The following PCDHA8 variants were observed in gnomAD, a reference collection of about 807,000 sequenced individuals.
PCDHA8 encodes the protein protocadherin alpha-8.
In PCDHA8, 53 loss-of-function variants were observed where a neutral mutation model predicts 61.8. The observed-to-expected ratio is 0.86, with a 90% CI of 0.69 to 1.08. The LOEUF is 1.08. PCDHA8 is among the 50% of genes least tolerant of loss of function. The pLI is 0.00. For synonymous variants in PCDHA8, 618 were observed against 556.6 expected (o/e 1.11, Z -1.55); for missense variants, 1,293 against 1,245.0 (o/e 1.04, Z -0.58).
intron 3 of PCDHA8, among the ~76,000 whole-genome samples, chr5:140,990,780 GACGATGA>G (rs1554251732): frequency 6.6e-6 from 1 of 152,192 alleles, no homozygotes; most frequent in Non-Finnish European, 1.5e-5. Flanking sequence ...CTCTGTGTTG[GACGATGA>G]ACCATGGAAT....
rs781808272 is a variant in PCDHA8, at chr5:140,856,411, A to G, written c.2394+12696A>G. Reference sequence around the variant, plus strand: ...TGCAGGTTTTCCATGTGGACGTGGAAGTGAAGGACATTAACGACAACCCGC... The same window carrying G: ...TGCAGGTTTTCCATGTGGACGTGGAGGTGAAGGACATTAACGACAACCCGC... On this transcript the variant is annotated intron_variant, in intron 1 of 3. Transcript: ENST00000531613. 31 of 1,598,328 alleles carry G rather than the reference A, an allele frequency of 1.9e-5. 3 individuals are homozygous for G. Among genetic ancestry groups the G allele is most frequent in the African/African-American group, 5.4e-5 (4 of 74,256 alleles).
intron 1 of PCDHA8, chr5:140,851,981 G>A: frequency 1.0e-6 from 1 of 976,468 alleles, no homozygotes; most frequent in Non-Finnish European, 1.2e-6. Flanking sequence ...TACCTTTAGT[G>A]CAAGCTATTT....
At chr5:140,967,934 A>G (rs781977227) in intron 1 of PCDHA8, 4 of 1,614,172 alleles carry the variant, frequency 2.5e-6, no homozygotes, top group Non-Finnish European at 2.5e-6. Flanking sequence ...TCTCAGTGTC[A>G]ATGACCAAGA....
intron 1 of PCDHA8, chr5:140,877,827 T>C (rs1554170143): frequency 1.2e-6 from 2 of 1,601,676 alleles, no homozygotes; most frequent in Middle Eastern, 1.7e-4. Flanking sequence ...ATTGTTTAAA[T>C]CCTCCCAGTG....
intron 1 of PCDHA8, chr5:140,860,548 T>C (rs1219356676): frequency 6.6e-6 from 1 of 152,138 alleles, no homozygotes; most frequent in Non-Finnish European, 1.5e-5. Flanking sequence ...CAAACCCACC[T>C]TTGAAGAGGT....
chr5:140,927,536 G>A (rs1227240979), intron 1 of PCDHA8: 3 of 1,614,138 alleles, frequency 1.9e-6, no homozygotes, highest in Non-Finnish European at 2.5e-6. Context: ...GCCCGCTCAG[G>A]AGACGCACAA....
At chr5:140,925,238 T>C (rs2082404327) in intron 1 of PCDHA8, among the ~76,000 whole-genome samples, 1 of 152,248 alleles carries the variant, frequency 6.6e-6, no homozygotes, top group African/African-American at 2.4e-5. Context: ...CCAGAAAATA[T>C]GTCCTGGAAA....
rs2150490621 is a variant in PCDHA8 at position 140,850,594 on chromosome 5, T to C, written c.2394+6879T>C. The C allele has an allele frequency of 2.5e-6, 4 of 1,598,338 alleles. No individual in the cohort carries two copies. In the East Asian group the frequency reaches 8.9e-5, roughly 36 times the overall value. The stretch of plus-strand genomic sequence containing the variant: ...ACGCTGGTGGATGTCAACGTGTACC[T>C]GATCATCGCCATCTGCGCGGTGTCT... On this transcript the variant is annotated intron_variant, in intron 1 of 3. Coordinates refer to ENST00000531613, the MANE Select transcript of PCDHA8 (RefSeq NM_018911.3).
At chr5:140,967,254 C>G in intron 1 of PCDHA8, 3 of 1,613,562 alleles carry the variant, frequency 1.9e-6, no homozygotes, top group Non-Finnish European at 2.5e-6. Context: ...TCGGTGGCGC[C>G]TGGAGCGCGC....
chr5:140,926,682 C>T, intron 1 of PCDHA8: 1 of 656,722 alleles, frequency 1.5e-6, no homozygotes, highest in Non-Finnish European at 2.3e-6. Context: ...CAGCCTCCAG[C>T]CTAGCAAGCC....
chr5:140,978,526 A>G (rs1197468187), intron 1 of PCDHA8, among the ~76,000 whole-genome samples: 5 of 152,248 alleles, frequency 3.3e-5, no homozygotes, highest in Admixed American at 2.0e-4. Flanking sequence ...CAGCCAGGCC[A>G]GCAGAACTTG....
intron 1 of PCDHA8, chr5:140,851,907 T>A: frequency 3.1e-6 from 3 of 970,432 alleles, no homozygotes; most frequent in Non-Finnish European, 2.5e-6. Flanking sequence ...CTCTTTAATG[T>A]CACTACATGT....
intron 1 of PCDHA8, among the ~76,000 whole-genome samples, chr5:140,887,368 T>C (rs2061428699): frequency 6.6e-6 from 1 of 152,174 alleles, no homozygotes; most frequent in Non-Finnish European, 1.5e-5. Context: ...AGTGCTGGGA[T>C]TACAGGTGTG....
At chr5:140,946,631 T>TATATATATATACACACAC (rs57893927) in intron 1 of PCDHA8, among the ~76,000 whole-genome samples, 1 of 131,846 alleles carries the variant, frequency 7.6e-6, no homozygotes, top group East Asian at 2.0e-4. Context: ...TATATATATA[T>TATATATATATACACACAC]ACAATGGAAT....
chr5:140,877,411 C>T (rs781874450), intron 1 of PCDHA8: 75 of 1,613,818 alleles, frequency 4.6e-5, no homozygotes, highest in Non-Finnish European at 6.0e-5. Context: ...GCGCCACCGC[C>T]TGCTGGTGCT....
At chr5:140,988,831 A>G (rs1005821454) in intron 3 of PCDHA8, 6 of 152,208 alleles carry the variant, frequency 3.9e-5, no homozygotes, top group Non-Finnish European at 7.3e-5. Flanking sequence ...AACAGAGATC[A>G]CGTGTCTCCT....
chr5:140,847,454 A>C (rs1187460467), intron 1 of PCDHA8: 1 of 149,898 alleles, frequency 6.7e-6, no homozygotes, highest in Non-Finnish European at 1.5e-5. Flanking sequence ...ATCTAGATTT[A>C]ATTAATCGAC....
Position 140,962,028 on chromosome 5 carries a change from C to A in PCDHA8, c.2395-16921C>A, listed in dbSNP as rs1046578713. Among the ~76,000 whole-genome samples the A allele has an allele frequency of 5.9e-5, 9 of 152,036 alleles. No individual in the cohort carries two copies. In the South Asian group the frequency reaches 1.7e-3, roughly 28 times the overall value. The stretch of plus-strand genomic sequence containing the variant: ...CTTCCCGAGTAGCTGGGACTACAGG[C>A]ACCCACCACCATGCCTGGCTAATTT... On this transcript the variant is annotated intron_variant, in intron 1 of 3. Transcript: ENST00000531613.
chr5:140,992,822 T>G (rs560336634), intron 3 of PCDHA8, among the ~76,000 whole-genome samples: 6 of 152,240 alleles, frequency 3.9e-5, no homozygotes, highest in Admixed American at 3.3e-4. Flanking sequence ...GATGTGTTTG[T>G]TTTTTGGGAA....
Sources: gnomAD v4.1 joint callset for allele counts (sites outside exome capture counted in the v4.1 genomes callset) on GRCh38, gnomAD v4.1.1 for gene constraint, MANE v1.5 for transcripts, NCBI Gene and HGNC (gene_info 2026-07-23, HGNC 2026-07-21) for gene names.